Variants in BCHE observed in about 807,000 individuals in gnomAD.
The protein encoded by BCHE is butyrylcholinesterase, also known as cholinesterase.
BCHE carries 48 observed loss-of-function variants against 51.3 expected under a neutral mutation model. The observed-to-expected ratio is 0.94, with a 90% confidence interval of 0.74 to 1.19. The LOEUF is 1.19. Among genes scored for constraint, BCHE ranks in the 50% most tolerant of loss-of-function variants. BCHE has a pLI of 0.00. For missense variants in BCHE, 847 were observed against 708.2 expected (o/e 1.20, Z -2.23); for synonymous variants, 251 against 238.0 (o/e 1.05, Z -0.50).
chr3:165,830,389 T>G lies in BCHE; in HGVS notation c.645A>C (p.Gly215=). The change falls in exon 2 of 4, where the codon GGA becomes GGC. Residue 215 remains glycine, a synonymous_variant. Transcript: ENST00000264381. ...WVQKNIAAFG[G]NPKSVTLFGE... is the part of the protein sequence containing the mutation. ...CAAAGAGAGTTACACTTTTAGGATT[T>G]CCACCAAAGGCTGCTATATTTTTTT... 2 of 1,613,984 alleles carry G rather than the reference T, an allele frequency of 1.2e-6. No homozygotes were observed. The highest frequency in any genetic ancestry group is 8.5e-7 in the Non-Finnish European group (1 of 1,179,922).
chr3:165,815,609 A>T lies in BCHE; in HGVS notation c.1517+13908T>A, dbSNP rs567944199. Among the ~76,000 whole-genome samples the T allele has an allele frequency of 3.1e-3, 475 of 152,234 alleles. 1 individual carries two copies. Among genetic ancestry groups the T allele is most frequent in the Non-Finnish European group, 4.7e-3 (318 of 67,978 alleles). On this transcript the variant is annotated intron_variant, in intron 2 of 3. Coordinates refer to ENST00000264381, the MANE Select transcript of BCHE (RefSeq NM_000055.4). The stretch of plus-strand genomic sequence containing the variant: ...ATTGATGTAATTTTTAATATTATAG[A>T]TTTAAAATTATGACTCCAAAGGCTA...
chr3:165,794,107 T>C (rs991814991), intron 2 of BCHE, among the ~76,000 whole-genome samples: 1 of 151,886 alleles, frequency 6.6e-6, no homozygotes, highest in African/African-American at 2.4e-5. Flanking sequence ...TAGTATTTAT[T>C]CTTAACTATA....
chr3:165,832,058 T>C (rs1323073573), intron 1 of BCHE, among the ~76,000 whole-genome samples: 1 of 152,170 alleles, frequency 6.6e-6, no homozygotes, highest in South Asian at 2.1e-4. Context: ...GCTTAGAAAC[T>C]ATTGGGCCAC....
chr3:165,777,047 GTAT>G (rs1712499340), intron 3 of BCHE, among the ~76,000 whole-genome samples: 1 of 151,754 alleles, frequency 6.6e-6, no homozygotes, highest in Admixed American at 6.6e-5. Flanking sequence ...GTTGGCAAAT[GTAT>G]AGCAGGCATG....
intron 2 of BCHE, among the ~76,000 whole-genome samples, chr3:165,825,460 T>A (rs537868970): frequency 7.9e-5 from 12 of 151,936 alleles, no homozygotes; most frequent in Non-Finnish European, 1.8e-4. Context: ...TGGAAATAAA[T>A]TAATAAGCTG....
At chr3:165,774,458 C>G (rs558853717) in intron 3 of BCHE, among the ~76,000 whole-genome samples, 1 of 151,962 alleles carries the variant, frequency 6.6e-6, no homozygotes, top group African/African-American at 2.4e-5. Context: ...CTCAGACTCC[C>G]GAGTAGCTGG....
chr3:165,777,902 T>C, intron 3 of BCHE: 1 of 289,616 alleles, frequency 3.5e-6, no homozygotes, highest in Non-Finnish European at 7.0e-6. Flanking sequence ...TTCTTTACAC[T>C]AGCTTACTTT....
intron 3 of BCHE, among the ~76,000 whole-genome samples, chr3:165,785,467 TTAA>T (rs1176791965): frequency 6.6e-6 from 1 of 151,882 alleles, no homozygotes; most frequent in Non-Finnish European, 1.5e-5. Context: ...AAATATTTTC[TTAA>T]TAATGAATAT....
intron 1 of BCHE, among the ~76,000 whole-genome samples, chr3:165,832,654 CATA>C (rs1258080129): frequency 1.3e-5 from 2 of 152,110 alleles, no homozygotes; most frequent in Admixed American, 1.3e-4. Flanking sequence ...TTCTCATTCA[CATA>C]ATAATAACAA....
chr3:165,794,214 C>G (rs1232852155), intron 2 of BCHE, among the ~76,000 whole-genome samples: 2 of 152,004 alleles, frequency 1.3e-5, no homozygotes, highest in East Asian at 3.9e-4. Flanking sequence ...CACACTGGCT[C>G]CATTTTAATC....
Position 165,830,483 on chromosome 3 carries a change from A to G in BCHE, c.551T>C (p.Leu184Ser). 3 of 1,613,806 alleles carry G rather than the reference A, an allele frequency of 1.9e-6. No individual in the cohort carries two copies. Among genetic ancestry groups the G allele is most frequent in the Non-Finnish European group, 2.5e-6 (3 of 1,179,862 alleles). ...CCCTGGAGCCTCAGGATTTCCTGGC[A>G]AAGCTAAGAATCCTAGGGCACCCAC... The part of the protein sequence containing the change: ...YRVGALGFLA[L>S]PGNPEAPGNM... The change falls in exon 2 of 4, where the codon TTG (leucine) becomes TCG (serine). Residue 184 changes from leucine (L) to serine (S), a missense_variant. Leu to Ser is a moderately radical substitution (Grantham distance 145). Coordinates refer to ENST00000264381, the MANE Select transcript of BCHE (RefSeq NM_000055.4).
chr3:165,802,214 A>G (rs181537850), intron 2 of BCHE, among the ~76,000 whole-genome samples: 1 of 152,318 alleles, frequency 6.6e-6, no homozygotes, highest in East Asian at 1.9e-4. Flanking sequence ...TTAATTTGCA[A>G]TAAGTGATAT....
intron 2 of BCHE, among the ~76,000 whole-genome samples, chr3:165,826,003 A>T (rs959193180): frequency 1.3e-5 from 2 of 152,124 alleles, no homozygotes; most frequent in Admixed American, 1.3e-4. Flanking sequence ...GTTGCAAGTG[A>T]TGCTGAAGAT....
intron 2 of BCHE, among the ~76,000 whole-genome samples, chr3:165,829,188 A>G (rs1479866450): frequency 6.6e-6 from 1 of 152,142 alleles, no homozygotes; most frequent in Non-Finnish European, 1.5e-5. Flanking sequence ...TTGCAGGTTA[A>G]AAAGTATTCT....
chr3:165,812,910 A>T (rs1714156351), intron 2 of BCHE, among the ~76,000 whole-genome samples: 1 of 151,848 alleles, frequency 6.6e-6, no homozygotes, highest in African/African-American at 2.4e-5. Context: ...TTCTTCCAGA[A>T]TTTTTTTCTA....
chr3:165,793,323 A>G (rs1056041515), intron 2 of BCHE, among the ~76,000 whole-genome samples: 14 of 152,330 alleles, frequency 9.2e-5, no homozygotes, highest in Non-Finnish European at 1.8e-4. Flanking sequence ...TCCTTGTCCT[A>G]TTCTCCTCCT....
At chr3:165,808,111 G>T (rs946214095) in intron 2 of BCHE, among the ~76,000 whole-genome samples, 2 of 151,974 alleles carry the variant, frequency 1.3e-5, no homozygotes, top group African/African-American at 4.8e-5. Context: ...AGCCTCCCGA[G>T]TAGCTGGGAC....
Position 165,773,406 on chromosome 3 carries a change from C to T in BCHE, c.1785G>A (p.Lys595=), listed in dbSNP as rs1712332153. Residue 595 remains lysine, a synonymous_variant, in exon 4 of 4, where the codon AAG becomes AAA. Coordinates refer to ENST00000264381, the MANE Select transcript of BCHE (RefSeq NM_000055.4). ...WKNQFNDYTS[K]KESCVGL The stretch of plus-strand genomic sequence containing the variant: ...ATTAGAGACCCACACAACTTTCTTT[C>T]TTGCTAGTGTAATCGTTAAATTGAT... 6.2e-7 allele frequency: 1 copy of T among 1,611,016 alleles called. No individual in the cohort carries two copies. The highest frequency in any genetic ancestry group is 8.5e-7 in the Non-Finnish European group (1 of 1,177,932).
chr3:165,789,336 G>T (rs949028839), intron 2 of BCHE, among the ~76,000 whole-genome samples: 3 of 151,460 alleles, frequency 2.0e-5, no homozygotes, highest in Non-Finnish European at 4.4e-5. Flanking sequence ...CTGTGTTACA[G>T]AAAATTACTT....
Sources: gnomAD v4.1 joint callset for allele counts (sites outside exome capture counted in the v4.1 genomes callset) on GRCh38, gnomAD v4.1.1 for gene constraint, MANE v1.5 for transcripts, NCBI Gene and HGNC (gene_info 2026-07-23, HGNC 2026-07-21) for gene names.